The following ROBO2 variants were observed in gnomAD, a reference collection of about 807,000 sequenced individuals.
ROBO2 encodes the protein roundabout homolog 2.
ROBO2 carries 53 observed loss-of-function variants against 160.8 expected under a neutral mutation model. The observed-to-expected ratio is 0.33, with a 90% CI of 0.26 to 0.41. ROBO2 has a LOEUF of 0.41. Ranked by LOEUF, ROBO2 falls within the 10% of genes least tolerant of loss-of-function variation. The pLI is 1.00. For synonymous variants in ROBO2, 664 were observed against 611.7 expected (o/e 1.09, Z -1.26); for missense variants, 1,577 against 1,722.4 (o/e 0.92, Z 1.49).
chr3:76,808,446 C>T (rs2064908900), intron 2 of ROBO2, among the ~76,000 whole-genome samples: 1 of 151,988 alleles, frequency 6.6e-6, no homozygotes, highest in African/African-American at 2.4e-5. Flanking sequence ...GTTAGGAACA[C>T]ATTAGTGAAT....
At chr3:76,970,447 C>G (rs2059519695) in intron 2 of ROBO2, among the ~76,000 whole-genome samples, 1 of 152,154 alleles carries the variant, frequency 6.6e-6, no homozygotes, top group Non-Finnish European at 1.5e-5. Flanking sequence ...CAAATCAAGT[C>G]TAAAAGTACC....
chr3:76,138,256 A>G (rs2071502252), intron 2 of ROBO2, among the ~76,000 whole-genome samples: 1 of 152,062 alleles, frequency 6.6e-6, no homozygotes. Context: ...GTTGCGCTTC[A>G]TATGGTCATA....
rs143225436 is a variant in ROBO2 at position 77,177,886 on chromosome 3, C to T, written c.388+79546C>T. 1.1e-3 allele frequency among the ~76,000 whole-genome samples: 161 copies of T among 152,064 alleles called. 2 individuals are homozygous for T. Among genetic ancestry groups the T allele is most frequent in the East Asian group, 1.4e-3 (7 of 5,160 alleles). ...ATTTATAATTATGTACGTATATGTG[C>T]TAAATAAATATTATGCTTCCCATTC... On this transcript the variant is annotated intron_variant, in intron 2 of 25. Transcript: ENST00000461745.
intron 2 of ROBO2, among the ~76,000 whole-genome samples, chr3:77,371,020 C>T (rs375881960): frequency 2.0e-5 from 3 of 152,184 alleles, no homozygotes; most frequent in African/African-American, 7.2e-5. Flanking sequence ...GAAGTGCATC[C>T]TGGAAAAAGA....
At chr3:76,581,757 A>C (rs1255694830) in intron 2 of ROBO2, among the ~76,000 whole-genome samples, 1 of 152,222 alleles carries the variant, frequency 6.6e-6, no homozygotes, top group Non-Finnish European at 1.5e-5. Context: ...CATGCACAAT[A>C]CAAAGTCATT....
intron 2 of ROBO2, among the ~76,000 whole-genome samples, chr3:77,207,987 G>A (rs2083636747): frequency 6.6e-6 from 1 of 152,198 alleles, no homozygotes; most frequent in Non-Finnish European, 1.5e-5. Flanking sequence ...AATTGTCCGT[G>A]AGTATCCGAG....
At chr3:76,200,202 A>G (rs35371948) in intron 2 of ROBO2, among the ~76,000 whole-genome samples, 16,568 of 152,100 alleles carry the variant, frequency 0.11, 1,161 homozygotes, top group African/African-American at 0.2. Context: ...CTTAAATGCA[A>G]TCTTAGGCTA....
chr3:76,926,766 CAG>C (rs1312460154), intron 2 of ROBO2, among the ~76,000 whole-genome samples: 1 of 152,124 alleles, frequency 6.6e-6, no homozygotes, highest in Non-Finnish European at 1.5e-5. Flanking sequence ...TGCAGATCTC[CAG>C]AGAGAGCTGA....
At chr3:76,978,922 T>TG (rs1442034339) in intron 2 of ROBO2, among the ~76,000 whole-genome samples, 6 of 149,960 alleles carry the variant, frequency 4.0e-5, no homozygotes, top group Admixed American at 4.0e-4. Context: ...TTAGAGTTTT[T>TG]TTTGTTTGTT....
chr3:77,358,592 T>C (rs928030154), intron 2 of ROBO2, among the ~76,000 whole-genome samples: 1 of 152,194 alleles, frequency 6.6e-6, no homozygotes, highest in South Asian at 2.1e-4. Context: ...GCATTTAAAA[T>C]AAATTAAAAT....
intron 2 of ROBO2, among the ~76,000 whole-genome samples, chr3:76,654,269 G>A (rs897459322): frequency 6.6e-6 from 1 of 152,096 alleles, no homozygotes. Context: ...ATTTTGGGTT[G>A]AGTTTTACAT....
intron 2 of ROBO2, among the ~76,000 whole-genome samples, chr3:77,277,530 A>G (rs2059969475): frequency 6.6e-6 from 1 of 151,880 alleles, no homozygotes; most frequent in Non-Finnish European, 1.5e-5. Context: ...TTCATCTCTC[A>G]CTTATAAGTG....
chr3:76,038,265 A>G (rs970510942), intron 2 of ROBO2, among the ~76,000 whole-genome samples: 6 of 151,996 alleles, frequency 3.9e-5, no homozygotes, highest in African/African-American at 7.3e-5. Context: ...TTATTAAAGG[A>G]AAGAATAGGA....
chr3:76,799,448 T>A (rs1395299016), intron 2 of ROBO2, among the ~76,000 whole-genome samples: 1 of 151,882 alleles, frequency 6.6e-6, no homozygotes, highest in Non-Finnish European at 1.5e-5. Context: ...TTGCTTGCAG[T>A]TGATATGTTC....
intron 2 of ROBO2, among the ~76,000 whole-genome samples, chr3:77,300,471 C>CT (rs999917202): frequency 5.9e-5 from 9 of 151,742 alleles, no homozygotes; most frequent in African/African-American, 1.7e-4. Context: ...CCCATCTGTT[C>CT]TTTTTTTCTA....
chr3:76,826,521 C>T (rs760196417), intron 2 of ROBO2, among the ~76,000 whole-genome samples: 69 of 152,038 alleles, frequency 4.5e-4, no homozygotes, highest in Non-Finnish European at 7.8e-4. Flanking sequence ...GCTGAAGGGT[C>T]ATCAGGTAAT....
intron 2 of ROBO2, among the ~76,000 whole-genome samples, chr3:77,455,830 C>T (rs2081583737): frequency 6.6e-6 from 1 of 151,758 alleles, no homozygotes; most frequent in Non-Finnish European, 1.5e-5. Context: ...TATATATCAT[C>T]TCATTTGCAA....
intron 1 of ROBO2, among the ~76,000 whole-genome samples, chr3:77,079,565 C>T (rs1385839550): frequency 6.6e-6 from 1 of 152,174 alleles, no homozygotes; most frequent in African/African-American, 2.4e-5. Flanking sequence ...AGAAGTATGG[C>T]CGTAAGTTAA....
chr3:76,433,843 AT>A (rs1290360250), intron 2 of ROBO2, among the ~76,000 whole-genome samples: 1 of 152,192 alleles, frequency 6.6e-6, no homozygotes, highest in East Asian at 1.9e-4. Flanking sequence ...TAAAGACATA[AT>A]TGCTACTTTA....
Sources: gnomAD v4.1 joint callset for allele counts (sites outside exome capture counted in the v4.1 genomes callset) on GRCh38, gnomAD v4.1.1 for gene constraint, MANE v1.5 for transcripts, NCBI Gene and HGNC (gene_info 2026-07-23, HGNC 2026-07-21) for gene names.